Variants in RBM27 observed in about 807,000 individuals in gnomAD.
RBM27 encodes RNA binding motif protein 27.
A neutral mutation model predicts 135.3 loss-of-function variants in RBM27; 22 were observed. That is an observed-to-expected ratio of 0.16 (90% confidence interval 0.12 to 0.23). The LOEUF (loss-of-function observed/expected upper bound fraction) is 0.23. Ranked by LOEUF, RBM27 falls within the 10% of genes least tolerant of loss-of-function variation. The pLI is 1.00. For missense variants in RBM27, 1,009 were observed against 1,281.0 expected (o/e 0.79, Z 3.24); for synonymous variants, 481 against 442.4 (o/e 1.09, Z -1.10).
At chr5:146,237,812 C>G (rs1757235433) in intron 8 of RBM27, among the ~76,000 whole-genome samples, 1 of 152,114 alleles carries the variant, frequency 6.6e-6, no homozygotes. Flanking sequence ...CTCAGCCTCC[C>G]AAGTAGCTGG....
intron 5 of RBM27, 103 bp downstream of exon 5, chr5:146,230,013 G>A: frequency 7.4e-7 from 1 of 1,353,526 alleles, no homozygotes; most frequent in Non-Finnish European, 1.0e-6. Flanking sequence ...ATATGTCTGA[G>A]CAGTGTAAAA....
intron 1 of RBM27, among the ~76,000 whole-genome samples, chr5:146,211,070 C>T (rs936922246): frequency 5.5e-4 from 83 of 151,906 alleles, no homozygotes; most frequent in Non-Finnish European, 1.0e-3. Flanking sequence ...TCCAGGAGTT[C>T]GAGACCAGCC....
At chr5:146,223,369 T>G (rs1332343524) in intron 2 of RBM27, 34 bp from the exon 3 acceptor site, 1 of 1,555,082 alleles carries the variant, frequency 6.4e-7, no homozygotes, top group Non-Finnish European at 8.6e-7. Flanking sequence ...GTTTTTTGTT[T>G]GCGCAATATG....
intron 1 of RBM27, among the ~76,000 whole-genome samples, chr5:146,208,310 G>A (rs1269425007): frequency 6.6e-6 from 1 of 152,150 alleles, no homozygotes; most frequent in Non-Finnish European, 1.5e-5. Context: ...CTATGGACAA[G>A]TTAGGAATGT....
intron 7 of RBM27, among the ~76,000 whole-genome samples, chr5:146,235,295 C>T (rs1042716965): frequency 1.3e-5 from 2 of 151,806 alleles, no homozygotes; most frequent in African/African-American, 4.8e-5. Context: ...GTGGTGCACG[C>T]CTGTAATTCC....
intron 18 of RBM27, 83 bp from the exon 19 acceptor site, chr5:146,271,400 C>T: frequency 9.9e-7 from 1 of 1,014,982 alleles, no homozygotes; most frequent in Admixed American, 3.3e-5. Context: ...AATTCCATCT[C>T]AAAAAAAAAA....
At chr5:146,270,872 T>C in intron 17 of RBM27, 82 bp from the exon 18 acceptor site, 1 of 821,718 alleles carries the variant, frequency 1.2e-6, no homozygotes, top group Non-Finnish European at 1.9e-6. Flanking sequence ...AATACATGTG[T>C]GTCATTGTGT....
chr5:146,276,920 A>G (rs549856081), intron 19 of RBM27, among the ~76,000 whole-genome samples: 2 of 152,318 alleles, frequency 1.3e-5, no homozygotes, highest in South Asian at 2.1e-4. Context: ...TTTAAAAGGT[A>G]ATATGGGTGA....
chr5:146,269,387 G>A, intron 16 of RBM27, 33 bp from the exon 17 acceptor site: 3 of 1,507,228 alleles, frequency 2.0e-6, no homozygotes, highest in Non-Finnish European at 2.7e-6. Context: ...AGTTTATTAA[G>A]CATGGTTTTA....
intron 17 of RBM27, among the ~76,000 whole-genome samples, chr5:146,269,849 A>T (rs1271837998): frequency 6.7e-6 from 1 of 150,148 alleles, no homozygotes; most frequent in Non-Finnish European, 1.5e-5. Context: ...CTGGGATTAC[A>T]GGTGTGAACC....
In RBM27 at chr5:146,258,569, T is replaced by G. The variant is rs775937171; in HGVS notation, c.1715T>G (p.Leu572Arg). ...KRAMSGLEGP[L>R]TKKPWLGKQG... is the part of the protein sequence containing the mutation. ...GCTATGAGTGGTTTGGAAGGGCCAC[T>G]CACAAAGAAACCTTGGCTGGGAAAG... Residue 572 changes from leucine to arginine, a missense_variant, in exon 11 of 21, where the codon CTC becomes CGC. By Grantham distance (102) the Leu-to-Arg change is moderately radical (BLOSUM62 -2). Around this residue, in one of 6 missense-constraint regions of RBM27, gnomAD observed 329 missense variants for 368.1 expected, o/e 0.89. Transcript: ENST00000265271. The G allele has an allele frequency of 2.5e-6, 4 of 1,573,810 alleles. No individual in the cohort carries two copies. In the Admixed American group the frequency reaches 7.4e-5, roughly 29 times the overall value.
In RBM27 at chr5:146,211,464, CTTTTTTTTTTTTTT is replaced by C. The variant is rs57117642; in HGVS notation, c.60-7504_60-7491del. On this transcript the variant is annotated intron_variant, in intron 1 of 20. Coordinates refer to ENST00000265271, the MANE Select transcript of RBM27 (RefSeq NM_018989.2). The stretch of plus-strand genomic sequence containing the variant: ...CTTACTTTGTCCAGTATGGTCTTAT[CTTTTTTTTTTTTTT>C]TTTTTTTTTTTTTTTTACTTTGAGA... Among the ~76,000 whole-genome samples the C allele has an allele frequency of 3.7e-3, 187 of 49,936 alleles. 1 individual carries two copies. Among genetic ancestry groups the C allele is most frequent in the African/African-American group, 0.012 (169 of 14,614 alleles). 32.8% of individuals were successfully genotyped at this position (49,936 alleles called of 152,430 possible).
At chr5:146,231,132 C>T (rs1756912258) in intron 6 of RBM27, among the ~76,000 whole-genome samples, 4 of 152,248 alleles carry the variant, frequency 2.6e-5, no homozygotes, top group Middle Eastern at 3.4e-3. Context: ...AGCGATTCTC[C>T]TTCCTCAGCC....
At position 146,214,467 on chromosome 5, in the gene RBM27, A is replaced by T. The variant is rs975928555; in HGVS notation, c.60-4518A>T. 2.6e-5 allele frequency among the ~76,000 whole-genome samples: 4 copies of T among 152,312 alleles called. No homozygotes were observed. The South Asian group carries it at 8.3e-4, about 32-fold the overall frequency. ...AGGGAAGTGATGCTGCACTTGTCTT[A>T]TATTCTCAAGAGTCTTAGTTGTACT... On this transcript the variant is annotated intron_variant, in intron 1 of 20. Coordinates refer to ENST00000265271, the MANE Select transcript of RBM27 (RefSeq NM_018989.2).
intron 1 of RBM27, among the ~76,000 whole-genome samples, chr5:146,212,107 G>A (rs1007922338): frequency 1.3e-5 from 2 of 151,768 alleles, no homozygotes; most frequent in Non-Finnish European, 2.9e-5. Context: ...CCAGGCTGGA[G>A]TGCAGTGGCG....
At chr5:146,237,832 C>T (rs1336168234) in intron 8 of RBM27, among the ~76,000 whole-genome samples, 2 of 152,052 alleles carry the variant, frequency 1.3e-5, no homozygotes, top group Non-Finnish European at 1.5e-5. Context: ...GGACAGCAGG[C>T]GTGTGCCACC....
chr5:146,237,215 G>C (rs768852302), intron 7 of RBM27, 83 bp from the exon 8 acceptor site: 27 of 1,531,300 alleles, frequency 1.8e-5, no homozygotes, highest in Non-Finnish European at 2.4e-5. Context: ...CTGGATTACA[G>C]GTGTGAGCCA....
chr5:146,242,636 C>T (rs560607523), intron 8 of RBM27, among the ~76,000 whole-genome samples: 1 of 152,254 alleles, frequency 6.6e-6, no homozygotes, highest in East Asian at 1.9e-4. Flanking sequence ...CTCTGTTGCC[C>T]AGGCTGGAGT....
chr5:146,223,669 G>A (rs369698722), intron 3 of RBM27, 142 bp downstream of exon 3: 2 of 925,868 alleles, frequency 2.2e-6, no homozygotes. Context: ...TTCTTCATCA[G>A]GATTTCATAG....
Sources: allele counts gnomAD v4.1 joint callset (sites outside exome capture counted in the v4.1 genomes callset), GRCh38; gene constraint gnomAD v4.1.1; regional missense constraint gnomAD v4.1.1; transcripts MANE v1.5; gene names NCBI Gene and HGNC (gene_info 2026-07-23, HGNC 2026-07-21).